LAMA1: variants seen among roughly 807,000 people sequenced by gnomAD.
The protein encoded by LAMA1 is laminin subunit alpha 1.
Under a neutral mutation model 348.7 loss-of-function variants are expected in LAMA1, and 219 were observed. The observed-to-expected ratio is 0.63, with a 90% CI of 0.56 to 0.70. LAMA1 has a LOEUF of 0.70. Among genes scored for constraint, LAMA1 ranks in the 30% least tolerant of loss-of-function variants. The pLI, the probability that LAMA1 is intolerant of heterozygous loss-of-function variation, is 0.00. For missense variants in LAMA1, 3,744 were observed against 3,888.0 expected (o/e 0.96, Z 0.99); for synonymous variants, 1,487 against 1,491.0 (o/e 1.00, Z 0.06).
intron 1 of LAMA1, among the ~76,000 whole-genome samples, chr18:7,087,097 C>T (rs1231215596): frequency 2.0e-5 from 3 of 152,084 alleles, no homozygotes; most frequent in East Asian, 1.9e-4. Flanking sequence ...GAAGTTGACC[C>T]TTTCATCTAA....
chr18:6,985,425 A>C, intron 38 of LAMA1, 25 bp from the exon 39 acceptor site: 1 of 1,613,378 alleles, frequency 6.2e-7, no homozygotes, highest in South Asian at 1.1e-5. Flanking sequence ...TAATATTGTA[A>C]ATATATGCAC....
chr18:7,002,011 TA>T (rs1198073718), intron 30 of LAMA1, among the ~76,000 whole-genome samples: 1 of 152,212 alleles, frequency 6.6e-6, no homozygotes, highest in Admixed American at 6.5e-5. Flanking sequence ...AAATGAGTCT[TA>T]AAAAACAAAA....
intron 1 of LAMA1, among the ~76,000 whole-genome samples, chr18:7,117,316 T>A (rs1212385903): frequency 1.4e-5 from 2 of 145,848 alleles, no homozygotes; most frequent in African/African-American, 5.1e-5. Flanking sequence ...GGCGCCCCGC[T>A]CCGGGCGCCC....
chr18:7,017,896 G>A (rs1201654135), intron 19 of LAMA1, among the ~76,000 whole-genome samples: 1 of 152,152 alleles, frequency 6.6e-6, no homozygotes, highest in Admixed American at 6.5e-5. Flanking sequence ...TTTCAGGTCA[G>A]ATGGTTCCAT....
Position 6,943,355 on chromosome 18 carries a change from A to C in LAMA1, c.8892T>G (p.Tyr2964Ter). ...NNGAGRITAA[Y>*]EPKTATVLCD... ...AGAGCACAGTGGCGGTTTTGGGCTCATATGCAGCTGTTATCCTGCCAGCAC... is the reference window on the plus strand; with the variant it reads ...AGAGCACAGTGGCGGTTTTGGGCTCCTATGCAGCTGTTATCCTGCCAGCAC... The change falls in exon 62 of 63, where the codon TAT (tyrosine) becomes TAG (stop). Residue 2964 changes from tyrosine to a stop codon, truncating the protein, a stop_gained. Transcript: ENST00000389658. LOFTEE classifies it high-confidence loss of function. 1 of 1,614,212 alleles carries C rather than the reference A, an allele frequency of 6.2e-7. No individual in the cohort carries two copies.
chr18:6,947,183 G>A lies in LAMA1; in HGVS notation c.8824C>T (p.Leu2942=), dbSNP rs780568419. 5 of 1,614,084 alleles carry A rather than the reference G, an allele frequency of 3.1e-6. No homozygotes were observed. Among genetic ancestry groups the A allele is most frequent in the Admixed American group, 1.7e-5 (1 of 60,004 alleles). ...CCCACCTTGCCGTCCACAAGCTCTAGTCCAATGGCATCCACTTTGGCAGTG... is the reference window on the plus strand; with the variant it reads ...CCCACCTTGCCGTCCACAAGCTCTAATCCAATGGCATCCACTTTGGCAGTG... ...ISTAKVDAIG[L]ELVDGKVLFH... is the part of the protein sequence containing the mutation. The change falls in exon 61 of 63, where the codon CTA becomes TTA. Residue 2942 remains leucine, a synonymous_variant. Transcript: ENST00000389658.
At chr18:7,100,058 C>CAAAAAAAAA (rs3038921) in intron 1 of LAMA1, among the ~76,000 whole-genome samples, 35 of 79,660 alleles carry the variant, frequency 4.4e-4, no homozygotes, top group East Asian at 5.8e-4. Context: ...GACTTTGTCT[C>CAAAAAAAAA]AAAAAAAAAA....
At chr18:7,002,788 T>C (rs1219432452) in intron 29 of LAMA1, among the ~76,000 whole-genome samples, 1 of 152,172 alleles carries the variant, frequency 6.6e-6, no homozygotes, top group East Asian at 1.9e-4. Flanking sequence ...ATAGATGATT[T>C]AGGAAATAGA....
chr18:7,068,192 T>A (rs1240446804), intron 3 of LAMA1, among the ~76,000 whole-genome samples: 1 of 152,126 alleles, frequency 6.6e-6, no homozygotes, highest in Non-Finnish European at 1.5e-5. Flanking sequence ...CCTTCTGAAG[T>A]GTTCTCTGTG....
chr18:7,077,051 C>T (rs1001215996), intron 3 of LAMA1: 1 of 152,024 alleles, frequency 6.6e-6, no homozygotes, highest in Non-Finnish European at 1.5e-5. Context: ...AAACAAAGCA[C>T]AGCAGAATTT....
At chr18:6,962,096 G>T in intron 51 of LAMA1, 37 bp from the exon 52 acceptor site, 1 of 1,510,914 alleles carries the variant, frequency 6.6e-7, no homozygotes, top group South Asian at 1.1e-5. Flanking sequence ...ACAAAATTTG[G>T]GTTTTTAAAT....
At chr18:7,108,831 A>T (rs1010576367) in intron 1 of LAMA1, among the ~76,000 whole-genome samples, 6 of 152,072 alleles carry the variant, frequency 3.9e-5, no homozygotes, top group African/African-American at 1.4e-4. Context: ...GTTTGTACAA[A>T]AGCAAAGGTA....
intron 5 of LAMA1, 131 bp from the exon 6 acceptor site, chr18:7,046,498 C>T (rs1874288557): frequency 1.7e-6 from 1 of 577,092 alleles, no homozygotes; most frequent in Non-Finnish European, 3.1e-6. Context: ...ATTACATGTA[C>T]ATTTAAAAAT....
At chr18:6,959,782 T>C in intron 53 of LAMA1, 1 of 361,856 alleles carries the variant, frequency 2.8e-6, no homozygotes, top group Non-Finnish European at 5.3e-6. Flanking sequence ...TAAGTAGATA[T>C]ATTGTAATTT....
At chr18:6,943,795 A>G (rs1441376303) in intron 61 of LAMA1, among the ~76,000 whole-genome samples, 1 of 145,740 alleles carries the variant, frequency 6.9e-6, no homozygotes, top group African/African-American at 2.5e-5. Flanking sequence ...GTGAGCCAAG[A>G]TCGTACCATT....
chr18:6,961,669 C>A lies in LAMA1; in HGVS notation c.7543G>T (p.Ala2515Ser). Reference protein sequence around the residue: ...SPESEWLVTFATTNSSGIILA... With the variant: ...SPESEWLVTFSTTNSSGIILA... ...ATGATGCCACTGCTGTTCGTGGTGG[C>A]AAATGTTACCAGCCATTCTGATTCT... The change falls in exon 53 of 63, where the codon GCC (alanine) becomes TCC (serine). Residue 2515 changes from alanine (A) to serine (S), a missense_variant. This residue lies in a region of LAMA1 where 1,983 missense variants were observed against 1,934.3 expected (regional missense o/e 1.03). Transcript: ENST00000389658. 6.2e-7 allele frequency: 1 copy of A among 1,614,102 alleles called. No individual in the cohort carries two copies. Among genetic ancestry groups the A allele is most frequent in the Non-Finnish European group, 8.5e-7 (1 of 1,180,032 alleles).
chr18:7,090,612 C>T (rs1184450497), intron 1 of LAMA1, among the ~76,000 whole-genome samples: 1 of 150,752 alleles, frequency 6.6e-6, no homozygotes, highest in African/African-American at 2.4e-5. Context: ...AAGCCCTTTC[C>T]AACACAGGAC....
chr18:7,113,715 T>A (rs1352275967), intron 1 of LAMA1, among the ~76,000 whole-genome samples: 3 of 152,040 alleles, frequency 2.0e-5, no homozygotes, highest in African/African-American at 7.2e-5. Context: ...ATCACACTAT[T>A]TCCTGAGAAA....
chr18:6,977,162 C>T (rs1279342525), intron 44 of LAMA1, among the ~76,000 whole-genome samples: 1 of 152,200 alleles, frequency 6.6e-6, no homozygotes, highest in African/African-American at 2.4e-5. Flanking sequence ...ACAGCCAGTG[C>T]CATGTGCCAT....
Sources: allele counts gnomAD v4.1 joint callset (sites outside exome capture counted in the v4.1 genomes callset), GRCh38; gene constraint gnomAD v4.1.1; regional missense constraint gnomAD v4.1.1; transcripts MANE v1.5; gene names NCBI Gene and HGNC (gene_info 2026-07-23, HGNC 2026-07-21).